CASP6: variants seen among roughly 807,000 people sequenced by gnomAD.
The protein encoded by CASP6 is caspase-6.
Under a neutral mutation model 31.8 loss-of-function variants are expected in CASP6, and 20 were observed. The ratio of observed to expected loss-of-function variants is 0.63; its 90% CI spans 0.44 to 0.91. The LOEUF (loss-of-function observed/expected upper bound fraction) is 0.91. CASP6 is among the 40% of genes least tolerant of loss of function. The pLI is 0.00. For missense variants in CASP6, 328 were observed against 361.1 expected (o/e 0.91, Z 0.74); for synonymous variants, 130 against 127.8 (o/e 1.02, Z -0.12).
At chr4:109,690,200 C>T (rs1361393094) in intron 6 of CASP6, among the ~76,000 whole-genome samples, 5 of 145,438 alleles carry the variant, frequency 3.4e-5, no homozygotes, top group Admixed American at 6.9e-5. Flanking sequence ...AAAAAATACA[C>T]ACACACACAC....
At chr4:109,698,504 CTTA>C (rs1730321053) in intron 1 of CASP6, among the ~76,000 whole-genome samples, 162 bp from the exon 2 acceptor site, 1 of 152,168 alleles carries the variant, frequency 6.6e-6, no homozygotes, top group Admixed American at 6.5e-5. Context: ...AGGGAAACTG[CTTA>C]CTAATAAACA....
chr4:109,685,320 C>T (rs747102731), downstream of CASP6: 2 of 1,587,640 alleles, frequency 1.3e-6, no homozygotes, highest in African/African-American at 1.3e-5. Context: ...AAAGCAACAG[C>T]ACTTTGATGT....
the CASP6 span, chr4:109,664,451 C>G: frequency 1.5e-6 from 1 of 675,826 alleles, no homozygotes; most frequent in Admixed American, 2.6e-5. Context: ...GATGAATTCT[C>G]ACTTGCTCTG....
At chr4:109,677,687 G>A in the CASP6 span, among the ~76,000 whole-genome samples, 274 of 151,798 alleles carry the variant, frequency 1.8e-3, 3 homozygotes, top group Middle Eastern at 6.9e-3. Flanking sequence ...TCTCACCCAC[G>A]TAATGCTTTC....
At chr4:109,665,302 T>C in the CASP6 span, among the ~76,000 whole-genome samples, 1 of 152,224 alleles carries the variant, frequency 6.6e-6, no homozygotes, top group South Asian at 2.1e-4. Context: ...AAAAGTGTCT[T>C]GGGTCTTTAT....
chr4:109,703,830 G>C (rs1430197437), upstream of CASP6, among the ~76,000 whole-genome samples: 1 of 152,144 alleles, frequency 6.6e-6, no homozygotes, highest in Non-Finnish European at 1.5e-5. Flanking sequence ...CTTTCTAGAG[G>C]TACAGGCATA....
At position 109,689,417 on chromosome 4, in the gene CASP6, T is replaced by C. The variant is rs1304088999; in HGVS notation, c.795A>G (p.Lys265=). ...GCTTCTTTCCAATTGCACTTGGGTC[T>C]TTGCAAAAGTCCACTCGGCGCTGAG... ...KVSQRRVDFC[K]DPSAIGKKQV... The change falls in exon 7 of 7, where the codon AAA becomes AAG. Residue 265 remains lysine (K), a synonymous_variant. Coordinates refer to ENST00000265164, the MANE Select transcript of CASP6 (RefSeq NM_001226.4). The C allele has an allele frequency of 6.2e-7, 1 of 1,614,134 alleles. No individual in the cohort carries two copies. The highest frequency in any genetic ancestry group is 1.7e-5 in the Admixed American group (1 of 60,010).
At chr4:109,694,872 C>T (rs543907841) in intron 4 of CASP6, among the ~76,000 whole-genome samples, 172 bp from the exon 5 acceptor site, 4 of 152,118 alleles carry the variant, frequency 2.6e-5, no homozygotes, top group Non-Finnish European at 5.9e-5. Flanking sequence ...ACTCTTGGTG[C>T]CCAGGGCTGG....
chr4:109,678,205 A>G, the CASP6 span, among the ~76,000 whole-genome samples: 1 of 152,034 alleles, frequency 6.6e-6, no homozygotes, highest in African/African-American at 2.4e-5. Flanking sequence ...GGAGTCTCCT[A>G]TGTCTACTTC....
At chr4:109,693,548 A>G (rs1338583575) in intron 5 of CASP6, among the ~76,000 whole-genome samples, 3 of 152,026 alleles carry the variant, frequency 2.0e-5, no homozygotes, top group African/African-American at 7.2e-5. Flanking sequence ...TTAGCCAGCC[A>G]TGATGGCAGG....
chr4:109,685,282 A>T (rs1228662401), downstream of CASP6: 1 of 1,553,482 alleles, frequency 6.4e-7, no homozygotes, highest in East Asian at 2.2e-5. Flanking sequence ...AAGAGTAGGC[A>T]ATTTCTTCAG....
At chr4:109,706,988 C>T (rs1730633844), upstream of CASP6, among the ~76,000 whole-genome samples, 3 of 152,288 alleles carry the variant, frequency 2.0e-5, no homozygotes, top group Middle Eastern at 6.8e-3. Context: ...CAGCAACTAC[C>T]ACCCTAATCA....
chr4:109,671,953 G>C, the CASP6 span, among the ~76,000 whole-genome samples: 1 of 152,036 alleles, frequency 6.6e-6, no homozygotes, highest in African/African-American at 2.4e-5. Context: ...TGTTTCTCCT[G>C]ATGTTTTGGG....
chr4:109,681,204 C>G, the CASP6 span, among the ~76,000 whole-genome samples: 1 of 152,108 alleles, frequency 6.6e-6, no homozygotes, highest in South Asian at 2.1e-4. Flanking sequence ...TGGCTCTGAA[C>G]CTCAGCTGAT....
upstream of CASP6, chr4:109,703,504 C>T: frequency 3.6e-6 from 5 of 1,403,696 alleles, no homozygotes; most frequent in South Asian, 2.6e-5. Flanking sequence ...CCCCTGCCCC[C>T]GAGCGTGGGG....
intron 6 of CASP6, 60 bp from the exon 7 acceptor site, chr4:109,689,628 T>C (rs1236253318): frequency 7.1e-7 from 1 of 1,406,934 alleles, no homozygotes; most frequent in Non-Finnish European, 1.0e-6. Context: ...ACTGTGTGTA[T>C]TCTTTTTAGT....
the CASP6 span, chr4:109,682,854 C>A: frequency 1.3e-6 from 1 of 774,578 alleles, no homozygotes; most frequent in Non-Finnish European, 2.0e-6. Context: ...TTCTCCTTTA[C>A]GCCTCACAAA....
At chr4:109,684,449 G>A, downstream of CASP6, 1 of 1,608,868 alleles carries the variant, frequency 6.2e-7, no homozygotes, top group Non-Finnish European at 8.5e-7. Flanking sequence ...TCAGGTGAAA[G>A]CTGGAATAGA....
the CASP6 span, among the ~76,000 whole-genome samples, chr4:109,672,303 CA>C: frequency 6.6e-6 from 1 of 152,058 alleles, no homozygotes; most frequent in African/African-American, 2.4e-5. Flanking sequence ...CCCTCCTGCC[CA>C]AAGCAGGGAG....
Sources: allele counts gnomAD v4.1 joint callset (sites outside exome capture counted in the v4.1 genomes callset), GRCh38; gene constraint gnomAD v4.1.1; transcripts MANE v1.5; gene names NCBI Gene and HGNC (gene_info 2026-07-23, HGNC 2026-07-21).